The following RAPGEF1 variants were observed in gnomAD, a reference collection of about 807,000 sequenced individuals.
RAPGEF1 encodes the protein Rap guanine nucleotide exchange factor 1, also known as CRK SH3-binding GNRP.
Under a neutral mutation model 143.3 loss-of-function variants are expected in RAPGEF1, and 33 were observed. That is an observed-to-expected ratio of 0.23 (90% confidence interval 0.17 to 0.31). The LOEUF is 0.31. RAPGEF1 is among the 10% of genes least tolerant of loss of function. The probability of loss-of-function intolerance (pLI) is 1.00; values close to 1 mark genes in which losing one functional copy is unlikely to be tolerated. For missense variants in RAPGEF1, 1,199 were observed against 1,645.4 expected (o/e 0.73, Z 4.69); for synonymous variants, 629 against 676.5 (o/e 0.93, Z 1.09).
rs1251379785 is a variant in RAPGEF1 at position 131,650,688 on chromosome 9, A to C, written c.201+122T>G. 1 of 1,388,202 alleles carries C rather than the reference A, an allele frequency of 7.2e-7. No homozygotes were observed. The highest frequency in any genetic ancestry group is 9.8e-7 in the Non-Finnish European group (1 of 1,017,942). The allele number at this position is 1,388,202 out of a possible 1,614,324, so 86.0% of individuals were successfully genotyped here. On this transcript the variant is annotated intron_variant, in intron 2 of 26. Coordinates refer to ENST00000683357, the MANE Select transcript of RAPGEF1 (RefSeq NM_001377935.1). The surrounding 1 kb of genome is among the most constrained non-coding windows in gnomAD (Gnocchi z 4.7). ...AGGACACCAAAGGTCCCGCCCATGG[A>C]ATGCTACGAAGTAGGTATGATGCAC...
At chr9:131,618,193 T>G (rs918135474) in intron 12 of RAPGEF1, among the ~76,000 whole-genome samples, 1 of 152,268 alleles carries the variant, frequency 6.6e-6, no homozygotes, top group Non-Finnish European at 1.5e-5. Flanking sequence ...TAAGGGGCCT[T>G]GCACGCTTCC....
In RAPGEF1 at chr9:131,638,652, C is replaced by T. The variant is rs561177809; in HGVS notation, c.634G>A (p.Val212Met). 5 of 1,613,920 alleles carry T rather than the reference C, an allele frequency of 3.1e-6. No homozygotes were observed. The highest frequency in any genetic ancestry group is 4.2e-6 in the Non-Finnish European group (5 of 1,179,888). Reference sequence around the variant, plus strand: ...ACCGGTACCTTCACTCCATCCAGCACAGCCTTGATGACCCCCTTCACAGTC... The same window carrying T: ...ACCGGTACCTTCACTCCATCCAGCATAGCCTTGATGACCCCCTTCACAGTC... ...VTTVKGVIKA[V>M]LDGVKELVRL... Residue 212 changes from valine to methionine, a missense_variant, in exon 5 of 27, where the codon GTG (valine) becomes ATG (methionine). Physicochemically the swap from Val to Met is conservative, Grantham distance 21. Coordinates refer to ENST00000683357, the MANE Select transcript of RAPGEF1 (RefSeq NM_001377935.1).
In RAPGEF1 at chr9:131,622,106, TCA is replaced by T. The variant is rs1404983754; in HGVS notation, c.1703-110_1703-109del. 8.4e-6 allele frequency: 9 copies of T among 1,072,298 alleles called. No homozygotes were observed. The East Asian group carries it at 1.0e-4, about 12-fold the overall frequency. The allele number at this position is 1,072,298 out of a possible 1,614,324, so 66.4% of individuals were successfully genotyped here. On this transcript the variant is annotated intron_variant, in intron 10 of 26. Coordinates refer to ENST00000683357, the MANE Select transcript of RAPGEF1 (RefSeq NM_001377935.1). Reference sequence around the variant, plus strand: ...TAGGGGGCTTTCCACTGAAAGCACCTCAGAGAGGGACGAACAGACGGAGCACG... The same window carrying T: ...TAGGGGGCTTTCCACTGAAAGCACCTGAGAGGGACGAACAGACGGAGCACG...
intron 1 of RAPGEF1, among the ~76,000 whole-genome samples, chr9:131,716,244 A>AC (rs796768872): frequency 3.6e-4 from 55 of 152,110 alleles, no homozygotes; most frequent in African/African-American, 8.7e-4. Flanking sequence ...GATTTCAAGG[A>AC]CCCCCCCAAT....
intron 1 of RAPGEF1, among the ~76,000 whole-genome samples, chr9:131,732,193 G>C (rs1324429661): frequency 6.6e-6 from 1 of 151,792 alleles, no homozygotes; most frequent in East Asian, 1.9e-4. Context: ...TGGGAAAAGA[G>C]AGTAATGCTG....
At position 131,598,203 on chromosome 9, in the gene RAPGEF1, T is replaced by G; in HGVS notation, c.2609A>C (p.Gln870Pro). The G allele has an allele frequency of 6.2e-7, 1 of 1,613,856 alleles. No homozygotes were observed. Among genetic ancestry groups the G allele is most frequent in the Non-Finnish European group, 8.5e-7 (1 of 1,179,780 alleles). The change falls in exon 16 of 27, where the codon CAG (glutamine) becomes CCG (proline). Residue 870 changes from glutamine (Q) to proline (P), a missense_variant. By Grantham distance (76) the Gln-to-Pro change is moderately conservative (BLOSUM62 -1). Transcript: ENST00000683357. ...NEIMSRLTLK[Q>P]EGDDGPDVRG... ...CCCAGCCCGGGAAGTTCTCACCTCC[T>G]GCTTGAGCGTCAGCCTGGACATAAT...
At chr9:131,729,524 G>A (rs1347998753) in intron 1 of RAPGEF1, among the ~76,000 whole-genome samples, 2 of 152,260 alleles carry the variant, frequency 1.3e-5, no homozygotes, top group African/African-American at 2.4e-5. Flanking sequence ...GGCAGATGTG[G>A]TGCCACCTTA....
Position 131,589,986 on chromosome 9 carries a change from A to T in RAPGEF1, c.2775-8T>A. On this transcript the variant is annotated splice_region_variant and splice_polypyrimidine_tract_variant and intron_variant, in intron 18 of 26. Coordinates refer to ENST00000683357, the MANE Select transcript of RAPGEF1 (RefSeq NM_001377935.1). ...GGAGAGAATTTCTCATATGTGGAGC[A>T]CGGGTTAAAGAAATAGCCATGTGGT... is the stretch of plus-strand genomic sequence containing the variant. The T allele has an allele frequency of 3.1e-6, 5 of 1,612,518 alleles. No homozygotes were observed. Among genetic ancestry groups the T allele is most frequent in the Non-Finnish European group, 4.2e-6 (5 of 1,178,728 alleles).
chr9:131,664,433 A>T (rs1403092895), intron 1 of RAPGEF1, among the ~76,000 whole-genome samples: 2 of 152,152 alleles, frequency 1.3e-5, no homozygotes, highest in African/African-American at 4.8e-5. Flanking sequence ...TATATAATTA[A>T]ATATGAGTGT....
intron 1 of RAPGEF1, among the ~76,000 whole-genome samples, chr9:131,683,277 G>T (rs1311270079): frequency 6.6e-6 from 1 of 152,196 alleles, no homozygotes; most frequent in African/African-American, 2.4e-5. Context: ...AAGCCAATTT[G>T]GATAGAACAA....
At chr9:131,719,601 C>T (rs373302181) in intron 1 of RAPGEF1, among the ~76,000 whole-genome samples, 34 of 143,250 alleles carry the variant, frequency 2.4e-4, no homozygotes, top group Non-Finnish European at 4.4e-4. Context: ...CTCTGTCACC[C>T]GGAGAGATAG....
At chr9:131,686,287 T>C (rs1030545013) in intron 1 of RAPGEF1, among the ~76,000 whole-genome samples, 15 of 152,222 alleles carry the variant, frequency 9.9e-5, no homozygotes, top group African/African-American at 3.4e-4. Context: ...ACTTTATTTA[T>C]AAAAACAGAC....
chr9:131,626,823 C>T (rs1963241633), intron 9 of RAPGEF1, among the ~76,000 whole-genome samples: 1 of 152,254 alleles, frequency 6.6e-6, no homozygotes, highest in East Asian at 1.9e-4. Context: ...TAACTGAGGG[C>T]CACGCGGTGG....
Position 131,583,345 on chromosome 9 carries a change from C to T in RAPGEF1, c.3415-643G>A, listed in dbSNP as rs974539410. 2.0e-5 allele frequency among the ~76,000 whole-genome samples: 3 copies of T among 152,176 alleles called. No homozygotes were observed. Among genetic ancestry groups the T allele is most frequent in the African/African-American group, 4.8e-5 (2 of 41,436 alleles). On this transcript the variant is annotated intron_variant, in intron 24 of 26. Coordinates refer to ENST00000683357, the MANE Select transcript of RAPGEF1 (RefSeq NM_001377935.1). This position sits in a 1 kb window ranked among gnomAD's most constrained non-coding sequence, Gnocchi z 4.7. ...TGTGAATTTCCCACCTCTCCCCATA[C>T]ACTAGCTTACAACCATCCCTGAACA...
intron 1 of RAPGEF1, among the ~76,000 whole-genome samples, chr9:131,719,928 C>T (rs1168182951): frequency 6.6e-6 from 1 of 150,976 alleles, no homozygotes; most frequent in Admixed American, 6.6e-5. Flanking sequence ...CTCTGTCACC[C>T]AGGCTGAAGT....
At chr9:131,625,390 T>C (rs1962659459) in intron 10 of RAPGEF1, among the ~76,000 whole-genome samples, 1 of 152,318 alleles carries the variant, frequency 6.6e-6, no homozygotes, top group Admixed American at 6.5e-5. Flanking sequence ...AATAACATCA[T>C]ATATTAAAAT....
At chr9:131,598,103 G>A (rs1955611290) in intron 16 of RAPGEF1, 96 bp downstream of exon 16, 1 of 1,079,844 alleles carries the variant, frequency 9.3e-7, no homozygotes, top group Non-Finnish European at 1.4e-6. Flanking sequence ...AGCCTCCTAG[G>A]GTTGTTCTGC....
chr9:131,630,009 C>T (rs1368101042), intron 6 of RAPGEF1, among the ~76,000 whole-genome samples: 2 of 151,966 alleles, frequency 1.3e-5, no homozygotes, highest in Admixed American at 6.6e-5. Flanking sequence ...TCACTGGATG[C>T]GCTCACAGAA....
intron 1 of RAPGEF1, among the ~76,000 whole-genome samples, chr9:131,705,654 T>G (rs990346225): frequency 6.6e-5 from 10 of 152,152 alleles, no homozygotes; most frequent in Non-Finnish European, 1.3e-4. Context: ...TCCATTAATG[T>G]AAAAAACATT....
Sources: gnomAD v4.1 joint callset for allele counts (sites outside exome capture counted in the v4.1 genomes callset) on GRCh38, gnomAD v4.1.1 for gene constraint, Gnocchi (gnomAD v3.1) non-coding constraint, MANE v1.5 for transcripts, NCBI Gene and HGNC (gene_info 2026-07-23, HGNC 2026-07-21) for gene names.